Variants in PBRM1 observed in about 807,000 individuals in gnomAD.
PBRM1 encodes the protein protein polybromo-1.
A neutral mutation model predicts 194.5 loss-of-function variants in PBRM1; 27 were observed. That is an observed-to-expected ratio of 0.14 (90% confidence interval 0.10 to 0.19). The LOEUF (loss-of-function observed/expected upper bound fraction) is 0.19. Among genes scored for constraint, PBRM1 ranks in the 10% least tolerant of loss-of-function variants. PBRM1 has a pLI of 1.00. For missense variants in PBRM1, 1,466 were observed against 2,077.2 expected, an observed-to-expected ratio of 0.71 and a Z score of 5.72; for synonymous variants, 655 against 693.2, an observed-to-expected ratio of 0.94 and a Z score of 0.87.
exon 11 of PBRM1, chr3:52,634,806 T>G (rs373477703): frequency 6.2e-7 from 1 of 1,613,014 alleles, no homozygotes; most frequent in South Asian, 1.1e-5. Flanking sequence ...TCCCTCTTCA[T>G]AGCGTGCAGC....
intron 20 of PBRM1, among the ~76,000 whole-genome samples, chr3:52,581,769 C>G (rs1487384075): frequency 6.6e-6 from 1 of 151,904 alleles, no homozygotes; most frequent in Non-Finnish European, 1.5e-5. Flanking sequence ...TCCCGAGAAG[C>G]TGAGATTACA....
chr3:52,676,815 C>A (rs2097115216), intron 2 of PBRM1, among the ~76,000 whole-genome samples: 1 of 152,128 alleles, frequency 6.6e-6, no homozygotes, highest in South Asian at 2.1e-4. Context: ...AAGGTCCAGG[C>A]TGAGGTGGTC....
chr3:52,623,964 G>T (rs2095361814), intron 13 of PBRM1, among the ~76,000 whole-genome samples: 1 of 152,106 alleles, frequency 6.6e-6, no homozygotes, highest in African/African-American at 2.4e-5. Flanking sequence ...CTTTTCTTTA[G>T]GAAAATATTA....
At chr3:52,667,731 C>T (rs1220985614) in intron 3 of PBRM1, among the ~76,000 whole-genome samples, 1 of 113,052 alleles carries the variant, frequency 8.8e-6, no homozygotes, top group Non-Finnish European at 1.7e-5. Flanking sequence ...CTAGCCTGGG[C>T]AATAGACTTT....
At chr3:52,681,898 T>G (rs79143530), upstream of PBRM1, 6,141 of 168,986 alleles carry the variant, frequency 0.036, 414 homozygotes, top group African/African-American at 0.14. Flanking sequence ...TACGAATAGA[T>G]AGAAAACATT....
Position 52,609,413 on chromosome 3 carries a change from C to T in PBRM1, c.2467G>A (p.Asp823Asn). ...TTTTCAACATTCTTCCTAATTATGT[C>T]AAATGTAAGGGGTGGTTTGTTAGGA... The change falls in exon 16 of 30, where the codon GAC becomes AAC. Residue 823 changes from aspartate to asparagine, a missense_variant. Transcript: ENST00000296302. The surrounding 1 kb of genome is among the most constrained non-coding windows in gnomAD (Gnocchi z 4.1). 6.2e-7 allele frequency: 1 copy of T among 1,613,770 alleles called. No individual in the cohort carries two copies. Among genetic ancestry groups the T allele is most frequent in the East Asian group, 2.2e-5 (1 of 44,884 alleles).
In PBRM1 at chr3:52,580,598, G is replaced by A. The variant is rs182198242; in HGVS notation, c.3388-1399C>T. 2.0e-3 allele frequency among the ~76,000 whole-genome samples: 311 copies of A among 152,168 alleles called. 4 individuals carry two copies. Among genetic ancestry groups the A allele is most frequent in the East Asian group, 5.4e-3 (28 of 5,166 alleles). On this transcript the variant is annotated intron_variant, in intron 20 of 29. Coordinates refer to ENST00000296302, the Ensembl canonical transcript of PBRM1. ...AGGATGGTCTTGATCTCCTGACTTC[G>A]TGATCCACCCGCCTTGGCCTCCCAA...
At chr3:52,569,473 G>C (rs1201339811) in intron 22 of PBRM1, among the ~76,000 whole-genome samples, 4 of 152,180 alleles carry the variant, frequency 2.6e-5, no homozygotes, top group Non-Finnish European at 5.9e-5. Context: ...GCTTCCCAAA[G>C]TGCTGGGATT....
intron 18 of PBRM1, among the ~76,000 whole-genome samples, chr3:52,588,542 G>GTA (rs2092674955): frequency 1.4e-5 from 2 of 146,622 alleles, no homozygotes; most frequent in South Asian, 4.3e-4. Flanking sequence ...TTAAGAAGCT[G>GTA]TATTTCTTTC....
chr3:52,566,409 T>A (rs943797566), intron 22 of PBRM1, among the ~76,000 whole-genome samples: 5 of 152,160 alleles, frequency 3.3e-5, no homozygotes, highest in African/African-American at 1.2e-4. Context: ...TTACTCACAA[T>A]AGCTAAAATG....
chr3:52,640,866 T>C (rs1052125350), intron 10 of PBRM1, among the ~76,000 whole-genome samples: 1 of 152,024 alleles, frequency 6.6e-6, no homozygotes, highest in Non-Finnish European at 1.5e-5. Flanking sequence ...CTTGAACTCC[T>C]GACCTCAAGT....
chr3:52,579,446 A>T (rs888860390), intron 20 of PBRM1, among the ~76,000 whole-genome samples: 46 of 152,020 alleles, frequency 3.0e-4, no homozygotes, highest in African/African-American at 1.0e-3. Context: ...TAAAATAAAA[A>T]ATTAGTTGGG....
chr3:52,657,817 C>T (rs138150924), intron 5 of PBRM1, among the ~76,000 whole-genome samples: 128 of 138,378 alleles, frequency 9.3e-4, no homozygotes, highest in African/African-American at 2.8e-3. Context: ...GACGGAGTTT[C>T]GCTCTTGTTG....
At chr3:52,659,330 T>C (rs2096670258) in intron 4 of PBRM1, among the ~76,000 whole-genome samples, 1 of 152,216 alleles carries the variant, frequency 6.6e-6, no homozygotes, top group African/African-American at 2.4e-5. Flanking sequence ...ACATATAAAA[T>C]AAAGAGTAAT....
chr3:52,635,587 A>G (rs2095781683), intron 10 of PBRM1, among the ~76,000 whole-genome samples: 1 of 152,112 alleles, frequency 6.6e-6, no homozygotes, highest in Non-Finnish European at 1.5e-5. Flanking sequence ...CAAAAACAAA[A>G]AAACCTCTCA....
intron 3 of PBRM1, among the ~76,000 whole-genome samples, chr3:52,667,531 T>C (rs2096864358): frequency 6.6e-6 from 1 of 152,056 alleles, no homozygotes; most frequent in Non-Finnish European, 1.5e-5. Context: ...GGTGGGTGGA[T>C]CACTTGAGGT....
intron 14 of PBRM1, 137 bp from the exon 17 acceptor site, chr3:52,615,593 G>A (rs1249483058): frequency 6.6e-6 from 4 of 603,396 alleles, no homozygotes; most frequent in South Asian, 2.1e-5. Flanking sequence ...CCTCACTACA[G>A]AGCAATAAAA....
intron 11 of PBRM1, among the ~76,000 whole-genome samples, chr3:52,633,999 T>A (rs1160739453): frequency 6.6e-6 from 1 of 152,194 alleles, no homozygotes; most frequent in Non-Finnish European, 1.5e-5. Flanking sequence ...ATGGTTGCGG[T>A]TAATGAATTC....
At chr3:52,624,646 GA>G (rs2095387438) in intron 13 of PBRM1, among the ~76,000 whole-genome samples, 1 of 152,214 alleles carries the variant, frequency 6.6e-6, no homozygotes, top group African/African-American at 2.4e-5. Context: ...AATGATTGGT[GA>G]GGGGGCCTTC....
Sources: gnomAD v4.1 joint callset for allele counts (sites outside exome capture counted in the v4.1 genomes callset) on GRCh38, gnomAD v4.1.1 for gene constraint, Gnocchi (gnomAD v3.1) non-coding constraint, MANE v1.5 for transcripts, NCBI Gene and HGNC (gene_info 2026-07-23, HGNC 2026-07-21) for gene names.